The following LDLRAD2 variants were observed in gnomAD, a reference collection of about 807,000 sequenced individuals.
LDLRAD2 encodes low-density lipoprotein receptor class A domain-containing protein 2.
LDLRAD2 carries 25 observed loss-of-function variants against 24.9 expected under a neutral mutation model. The ratio of observed to expected loss-of-function variants is 1.00; its 90% CI spans 0.73 to 1.40. LDLRAD2 has a LOEUF of 1.40. LDLRAD2 is among the 40% of genes most tolerant of loss of function. The pLI is 0.00. For synonymous variants in LDLRAD2, 182 were observed against 166.7 expected (o/e 1.09, Z -0.71); for missense variants, 391 against 366.2 (o/e 1.07, Z -0.55).
In LDLRAD2 at chr1:21,824,304, A is replaced by G; in HGVS notation, c.*2089A>G. On this transcript the variant is annotated 3_prime_UTR_variant, in exon 5 of 5. Coordinates refer to ENST00000344642, the MANE Select transcript of LDLRAD2 (RefSeq NM_001013693.3). The surrounding 1 kb of genome is among the most constrained non-coding windows in gnomAD (Gnocchi z 5.9). ...GAGGAAGGGCCAGGTGCCAGGACCT[A>G]CCTGAAGACAAGGTGCCCGTCTTGA... 6.2e-7 allele frequency: 1 copy of G among 1,613,766 alleles called. No individual in the cohort carries two copies. Among genetic ancestry groups the G allele is most frequent in the Non-Finnish European group, 8.5e-7 (1 of 1,179,928 alleles).
chr1:21,819,003 T>G (rs1218134692), intron 3 of LDLRAD2, among the ~76,000 whole-genome samples: 1 of 151,432 alleles, frequency 6.6e-6, no homozygotes, highest in African/African-American at 2.4e-5. Context: ...ACTTTTCTTC[T>G]GAGATCTGCA....
Position 21,824,629 on chromosome 1 carries a change from G to A in LDLRAD2, c.*2414G>A. The stretch of plus-strand genomic sequence containing the variant: ...ACCTCGGGCAGGCTGCGGAGGAAGA[G>A]CGGGTGAGGGGACAGAAGTCCCAGA... On this transcript the variant is annotated 3_prime_UTR_variant, in exon 5 of 5. Transcript: ENST00000344642. The surrounding 1 kb of genome is among the most constrained non-coding windows in gnomAD (Gnocchi z 5.9). The A allele has an allele frequency of 6.2e-7, 1 of 1,614,052 alleles. No homozygotes were observed. Among genetic ancestry groups the A allele is most frequent in the South Asian group, 1.1e-5 (1 of 91,070 alleles).
rs2097960073 is a variant in LDLRAD2 at position 21,823,941 on chromosome 1, C to A, written c.*1726C>A. 9.1e-6 allele frequency: 7 copies of A among 765,984 alleles called. No individual in the cohort carries two copies. In the Admixed American group the frequency reaches 1.0e-4, roughly 11 times the overall value. The allele number at this position is 765,984 out of a possible 1,614,324, so 47.4% of individuals were successfully genotyped here. On this transcript the variant is annotated 3_prime_UTR_variant, in exon 5 of 5. Coordinates refer to ENST00000344642, the MANE Select transcript of LDLRAD2 (RefSeq NM_001013693.3). ...TCCCACTCCTGGGGCACTCGCCTGC[C>A]CCCAGCGGAGTTCAGTCCGAGATGG...
Position 21,822,528 on chromosome 1 carries a change from T to C in LDLRAD2, c.*313T>C. On this transcript the variant is annotated 3_prime_UTR_variant, in exon 5 of 5. Coordinates refer to ENST00000344642, the MANE Select transcript of LDLRAD2 (RefSeq NM_001013693.3). ...GTCTGTTGGAGGAGTCCCTGGGCCT[T>C]CACTTCCAGATGGGTGGGGATGTGG... is the stretch of plus-strand genomic sequence containing the variant. 1 of 279,336 alleles carries C rather than the reference T, an allele frequency of 3.6e-6. No homozygotes were observed. The allele number at this position is 279,336 out of a possible 1,614,324, so 17.3% of individuals were successfully genotyped here.
At position 21,814,417 on chromosome 1, in the gene LDLRAD2, C is replaced by T; in HGVS notation, c.105C>T (p.Cys35=). Reference sequence around the variant, plus strand: ...CTGCAGCCGACCTGGCGGAACTGTGCGGGCAGACGTGGCAGGGGGACGGGC... The same window carrying T: ...CTGCAGCCGACCTGGCGGAACTGTGTGGGCAGACGTGGCAGGGGGACGGGC... The part of the protein sequence containing the change: ...ALETADLAEL[C]GQTWQGDGLL... The change falls in exon 2 of 5, where the codon TGC becomes TGT. Residue 35 remains cysteine (C), a synonymous_variant. Transcript: ENST00000344642. The T allele has an allele frequency of 6.2e-7, 1 of 1,604,356 alleles. No homozygotes were observed.
rs117729163 is a variant in LDLRAD2, at chr1:21,813,723, C to T, written c.86-675C>T. 1.2e-3 allele frequency among the ~76,000 whole-genome samples: 184 copies of T among 152,304 alleles called. 2 individuals are homozygous for T. The East Asian group carries it at 0.029, about 24-fold the overall frequency. On this transcript the variant is annotated intron_variant, in intron 1 of 4. Transcript: ENST00000344642. ...GTGATTCCAGAGATGGTTAACTCAA[C>T]GGCTCAACAATGTCACTGTTCCTCT...
In LDLRAD2 at chr1:21,814,506, G is replaced by A; in HGVS notation, c.194G>A (p.Gly65Glu). Residue 65 changes from glycine (G) to glutamate (E), a missense_variant, in exon 2 of 5, where the codon GGG (glycine) becomes GAG (glutamate). Physicochemically the swap from Gly to Glu is moderately conservative, Grantham distance 98. Transcript: ENST00000344642. ...TTCGTGGCTCCGGACACCGACTGCGGGCTCTGGGTGCAGGCGGCAGCCCCC... is the reference window on the plus strand; with the variant it reads ...TTCGTGGCTCCGGACACCGACTGCGAGCTCTGGGTGCAGGCGGCAGCCCCC... ...FYFVAPDTDCGLWVQAAAPGD... is the reference protein window; with the variant it reads ...FYFVAPDTDCELWVQAAAPGD... 6.2e-6 allele frequency: 10 copies of A among 1,612,628 alleles called. No individual in the cohort carries two copies. The highest frequency in any genetic ancestry group is 7.6e-6 in the Non-Finnish European group (9 of 1,179,738).
intron 4 of LDLRAD2, 175 bp downstream of exon 4, chr1:21,821,786 C>A: frequency 6.9e-7 from 1 of 1,440,340 alleles, no homozygotes; most frequent in Non-Finnish European, 9.1e-7. Flanking sequence ...TGGCCTCCTC[C>A]TGGGCCTCCT....
chr1:21,824,809 C>A lies in LDLRAD2; in HGVS notation c.*2594C>A. ...GGGAGAGAGGAGGGTGGTGCCATAC[C>A]TGCTGCATCAGGCATCAAAATCCCC... On this transcript the variant is annotated 3_prime_UTR_variant, in exon 5 of 5. Transcript: ENST00000344642. This position sits in a 1 kb window ranked among gnomAD's most constrained non-coding sequence, Gnocchi z 5.9. 1 of 1,587,942 alleles carries A rather than the reference C, an allele frequency of 6.3e-7. No homozygotes were observed. The highest frequency in any genetic ancestry group is 1.1e-5 in the South Asian group (1 of 88,682).
In LDLRAD2 at chr1:21,824,761, C is replaced by T; in HGVS notation, c.*2546C>T. On this transcript the variant is annotated 3_prime_UTR_variant, in exon 5 of 5. Transcript: ENST00000344642. This position sits in a 1 kb window ranked among gnomAD's most constrained non-coding sequence, Gnocchi z 5.9. ...GAAGCCATCATCGTGGAAATAGGCT[C>T]CGTACTGCCCAGGGGCATCTGTGGG... 1 of 1,613,136 alleles carries T rather than the reference C, an allele frequency of 6.2e-7. No homozygotes were observed. The highest frequency in any genetic ancestry group is 8.5e-7 in the Non-Finnish European group (1 of 1,179,676).
rs761987723 is a variant in LDLRAD2 at position 21,823,712 on chromosome 1, G to A, written c.*1497G>A. ...CCGTCGACTTGGATGGAACCTCTGCGGCCCTCCCTGCAGTGGAACTGGGTC... is the reference window on the plus strand; with the variant it reads ...CCGTCGACTTGGATGGAACCTCTGCAGCCCTCCCTGCAGTGGAACTGGGTC... On this transcript the variant is annotated 3_prime_UTR_variant, in exon 5 of 5. Coordinates refer to ENST00000344642, the MANE Select transcript of LDLRAD2 (RefSeq NM_001013693.3). 1.4e-5 allele frequency: 23 copies of A among 1,613,190 alleles called. No homozygotes were observed. Among genetic ancestry groups the A allele is most frequent in the Admixed American group, 1.2e-4 (7 of 60,016 alleles).
rs761711089 is a variant in LDLRAD2 at position 21,814,840 on chromosome 1, G to C, written c.511+17G>C. 94 of 1,468,966 alleles carry C rather than the reference G, an allele frequency of 6.4e-5. No individual in the cohort carries two copies. The South Asian group carries it at 1.3e-3, about 20-fold the overall frequency. 91.0% of individuals were successfully genotyped at this position (1,468,966 alleles called of 1,614,324 possible). On this transcript the variant is annotated intron_variant, in intron 2 of 4. Transcript: ENST00000344642. The stretch of plus-strand genomic sequence containing the variant: ...TCCGTCTGGGTGAGCTGGGGCTGAA[G>C]GCCGGGACGGGACCCTCTGCAGAGG...
At chr1:21,817,260 CCTTCTG>C (rs1262770313) in intron 3 of LDLRAD2, among the ~76,000 whole-genome samples, 2 of 152,328 alleles carry the variant, frequency 1.3e-5, no homozygotes, top group East Asian at 3.9e-4. Flanking sequence ...TGGTCTCCCT[CCTTCTG>C]TCCTTTGCCT....
chr1:21,823,606 C>G lies in LDLRAD2; in HGVS notation c.*1391C>G. 6.2e-7 allele frequency: 1 copy of G among 1,612,856 alleles called. No individual in the cohort carries two copies. Among genetic ancestry groups the G allele is most frequent in the Non-Finnish European group, 8.5e-7 (1 of 1,179,092 alleles). ...CCTGCCCCTGCCCTGAGAAGGAGCCCCAGACTTACCGATGTAGACGCTGCC... is the reference window on the plus strand; with the variant it reads ...CCTGCCCCTGCCCTGAGAAGGAGCCGCAGACTTACCGATGTAGACGCTGCC... On this transcript the variant is annotated 3_prime_UTR_variant, in exon 5 of 5. Coordinates refer to ENST00000344642, the MANE Select transcript of LDLRAD2 (RefSeq NM_001013693.3).
At chr1:21,820,502 G>A (rs561366104) in intron 3 of LDLRAD2, among the ~76,000 whole-genome samples, 2 of 123,670 alleles carry the variant, frequency 1.6e-5, no homozygotes, top group African/African-American at 6.4e-5. Flanking sequence ...CAGCCTGGGC[G>A]ACAGAGCGAG....
Position 21,824,124 on chromosome 1 carries a change from A to G in LDLRAD2, c.*1909A>G, listed in dbSNP as rs1292650766. ...AGTGCCCGGCAGGGTCCCTTACCGC[A>G]GTGCTGTCACCCGGTGCCACTCGCC... is the stretch of plus-strand genomic sequence containing the variant. On this transcript the variant is annotated 3_prime_UTR_variant, in exon 5 of 5. Transcript: ENST00000344642. The surrounding 1 kb of genome is among the most constrained non-coding windows in gnomAD (Gnocchi z 5.9). 4 of 1,612,812 alleles carry G rather than the reference A, an allele frequency of 2.5e-6. No individual in the cohort carries two copies. Among genetic ancestry groups the G allele is most frequent in the Non-Finnish European group, 3.4e-6 (4 of 1,179,876 alleles).
At position 21,824,472 on chromosome 1, in the gene LDLRAD2, G is replaced by A. The variant is rs1037252246; in HGVS notation, c.*2257G>A. On this transcript the variant is annotated 3_prime_UTR_variant, in exon 5 of 5. Transcript: ENST00000344642. This position sits in a 1 kb window ranked among gnomAD's most constrained non-coding sequence, Gnocchi z 5.9. ...TGCTTTCCCCTCCCCCCACCACTCC[G>A]GCCACCAGGAAGCCAGCTTCCTGCC... 19 of 1,602,670 alleles carry A rather than the reference G, an allele frequency of 1.2e-5. No homozygotes were observed. The highest frequency in any genetic ancestry group is 9.4e-5 in the African/African-American group (7 of 74,748).
chr1:21,822,049 G>T, intron 4 of LDLRAD2, 153 bp from the exon 5 acceptor site: 1 of 1,481,388 alleles, frequency 6.8e-7, no homozygotes, highest in South Asian at 1.3e-5. Context: ...GTCTGATGTT[G>T]GACAGGCCCC....
intron 1 of LDLRAD2, 64 bp from the exon 2 acceptor site, chr1:21,814,334 C>T: frequency 7.3e-7 from 1 of 1,369,286 alleles, no homozygotes; most frequent in Non-Finnish European, 9.8e-7. Flanking sequence ...ACACAGCGGG[C>T]AGGGGACAGA....
Sources: allele counts gnomAD v4.1 joint callset (sites outside exome capture counted in the v4.1 genomes callset), GRCh38; gene constraint gnomAD v4.1.1; non-coding constraint Gnocchi (gnomAD v3.1); transcripts MANE v1.5; gene names NCBI Gene and HGNC (gene_info 2026-07-23, HGNC 2026-07-21).